C10orf67: variants seen among roughly 807,000 people sequenced by gnomAD.
The protein encoded by C10orf67 is uncharacterized protein C10orf67, mitochondrial.
A neutral mutation model predicts 35.6 loss-of-function variants in C10orf67; 60 were observed. That is an observed-to-expected ratio of 1.68 (90% confidence interval 1.37 to 2.09). The LOEUF is 2.09. Among genes scored for constraint, C10orf67 ranks in the 30% most tolerant of loss-of-function variants. The probability of loss-of-function intolerance (pLI) is 0.00; values close to 1 mark genes in which losing one functional copy is unlikely to be tolerated. For synonymous variants in C10orf67, 167 were observed against 115.8 expected (o/e 1.44, Z -2.84); for missense variants, 474 against 330.2 (o/e 1.44, Z -3.38).
rs187971447 is a variant in C10orf67, at chr10:23,320,387, C to T, written c.546+354G>A. On this transcript the variant is annotated intron_variant, in intron 4 of 15. Transcript: ENST00000636213. ...GTCCCTGTCATTAGAAAAGTTAATC[C>T]ACCAAGGGTCAGAGACCATTCACTG... Among the ~76,000 whole-genome samples the T allele has an allele frequency of 2.1e-3, 320 of 152,266 alleles. 3 individuals are homozygous for T. Among genetic ancestry groups the T allele is most frequent in the Non-Finnish European group, 3.0e-3 (201 of 68,026 alleles).
At chr10:23,264,188 A>AG in intron 10 of C10orf67, among the ~76,000 whole-genome samples, 1 of 152,320 alleles carries the variant, frequency 6.6e-6, no homozygotes, top group South Asian at 2.1e-4. Context: ...GGAAAATTAT[A>AG]GCTAGAATGT....
chr10:23,267,157 A>G, intron 9 of C10orf67, 38 bp downstream of exon 9: 1 of 697,156 alleles, frequency 1.4e-6, no homozygotes, highest in Non-Finnish European at 2.6e-6. Context: ...AGCACAAAAT[A>G]AAAGAGAAAG....
At chr10:23,243,139 C>T (rs1233651122) in intron 12 of C10orf67, among the ~76,000 whole-genome samples, 1 of 152,172 alleles carries the variant, frequency 6.6e-6, no homozygotes, top group Admixed American at 6.5e-5. Context: ...TTACTGATAA[C>T]TTCACAAGAT....
chr10:23,223,640 C>A lies in C10orf67; in HGVS notation c.1528G>T (p.Asp510Tyr). Residue 510 changes from aspartate (D) to tyrosine (Y), a missense_variant, in exon 15 of 16, where the codon GAT (aspartate) becomes TAT (tyrosine). Physicochemically the swap from Asp to Tyr is radical, Grantham distance 160. Transcript: ENST00000636213. ...AGGGCTGCCTGATCACTGACTACATCCACATGCTTACCGTCTATCTGTAAG... is the reference window on the plus strand; with the variant it reads ...AGGGCTGCCTGATCACTGACTACATACACATGCTTACCGTCTATCTGTAAG... ...CTSSIDGKHV[D>Y]VVSDQAALQL... is the part of the protein sequence containing the mutation. The A allele has an allele frequency of 1.4e-6, 1 of 717,540 alleles. No individual in the cohort carries two copies. Among genetic ancestry groups the A allele is most frequent in the Non-Finnish European group, 2.6e-6 (1 of 384,996 alleles). The allele number at this position is 717,540 out of a possible 1,614,324, so 44.4% of individuals were successfully genotyped here. A position where few individuals can be genotyped will look rare whatever the true frequency, so the allele number is the denominator to read the frequency against.
chr10:23,246,474 T>C (rs1842319552), intron 12 of C10orf67, among the ~76,000 whole-genome samples: 1 of 152,096 alleles, frequency 6.6e-6, no homozygotes, highest in South Asian at 2.1e-4. Flanking sequence ...TAACACAAAA[T>C]TGATAACTAT....
intron 1 of C10orf67, among the ~76,000 whole-genome samples, chr10:23,343,609 C>T (rs1333673469): frequency 4.6e-5 from 7 of 152,172 alleles, no homozygotes; most frequent in Non-Finnish European, 1.5e-5. Flanking sequence ...ACGATTATTT[C>T]CCGCTGAGAA....
intron 2 of C10orf67, among the ~76,000 whole-genome samples, chr10:23,331,208 G>GGGAAA (rs1564518909): frequency 3.5e-5 from 1 of 28,918 alleles, no homozygotes; most frequent in Non-Finnish European, 6.0e-5. Flanking sequence ...GGGAAGGGAA[G>GGGAAA]AGGGAAGGGA....
intron 13 of C10orf67, among the ~76,000 whole-genome samples, chr10:23,228,635 C>G (rs1431854393): frequency 1.3e-5 from 2 of 152,060 alleles, no homozygotes; most frequent in South Asian, 4.2e-4. Context: ...AAGAAACTAC[C>G]ATCAGAGTGA....
At position 23,203,212 on chromosome 10, in the gene C10orf67, A is replaced by G. The variant is rs1273300144; in HGVS notation, c.*961T>C. On this transcript the variant is annotated 3_prime_UTR_variant, in exon 16 of 16. Coordinates refer to ENST00000636213, the MANE Select transcript of C10orf67 (RefSeq NM_001371909.1). ...GCAACACTCCTTTGGAGACAGCGGCATATAGTGCATAGTAGATGAAGCTCG... is the reference window on the plus strand; with the variant it reads ...GCAACACTCCTTTGGAGACAGCGGCGTATAGTGCATAGTAGATGAAGCTCG... 1 of 152,260 alleles carries G rather than the reference A, an allele frequency of 6.6e-6. No homozygotes were observed. Among genetic ancestry groups the G allele is most frequent in the African/African-American group, 2.4e-5 (1 of 41,460 alleles). The allele number at this position is 152,260 out of a possible 1,614,324, so 9.4% of individuals were successfully genotyped here.
At chr10:23,255,117 T>C (rs1842567329) in intron 10 of C10orf67, among the ~76,000 whole-genome samples, 1 of 152,084 alleles carries the variant, frequency 6.6e-6, no homozygotes, top group South Asian at 2.1e-4. Flanking sequence ...GAGGGGCTAA[T>C]AGAAACACAC....
At position 23,344,478 on chromosome 10, in the gene C10orf67, G is replaced by T. The variant is rs986802200; in HGVS notation, c.206+91C>A. On this transcript the variant is annotated intron_variant, in intron 1 of 15. Coordinates refer to ENST00000636213, the MANE Select transcript of C10orf67 (RefSeq NM_001371909.1). ...GGCTGCTGCGATACCCCAGAGGAAA[G>T]CTGCACCCCCGTAAATAACCCTTCA... 7 of 1,224,386 alleles carry T rather than the reference G, an allele frequency of 5.7e-6. No homozygotes were observed. In the African/African-American group the frequency reaches 7.5e-5, roughly 13 times the overall value. The allele number at this position is 1,224,386 out of a possible 1,614,324, so 75.8% of individuals were successfully genotyped here.
chr10:23,302,899 A>T (rs1212839182), intron 5 of C10orf67, among the ~76,000 whole-genome samples: 1 of 152,074 alleles, frequency 6.6e-6, no homozygotes, highest in Non-Finnish European at 1.5e-5. Flanking sequence ...TTCTGTTCCA[A>T]GTTGGCTTCT....
At chr10:23,246,647 T>G (rs2132150442) in intron 12 of C10orf67, among the ~76,000 whole-genome samples, 2 of 152,244 alleles carry the variant, frequency 1.3e-5, no homozygotes, top group South Asian at 4.1e-4. Flanking sequence ...TCCCATAAGA[T>G]TATAATGGAG....
chr10:23,298,963 A>G (rs1401113645), intron 5 of C10orf67, among the ~76,000 whole-genome samples: 1 of 152,198 alleles, frequency 6.6e-6, no homozygotes, highest in Non-Finnish European at 1.5e-5. Context: ...CCTTGGGGTA[A>G]AACAGTCCAG....
chr10:23,291,908 A>G (rs1801509528), intron 5 of C10orf67, among the ~76,000 whole-genome samples: 1 of 152,128 alleles, frequency 6.6e-6, no homozygotes, highest in South Asian at 2.1e-4. Context: ...ATGGCTTTGC[A>G]TGCTTGTCAC....
In C10orf67 at chr10:23,218,946, C is replaced by T. The variant is rs540158888; in HGVS notation, c.1570+4652G>A. On this transcript the variant is annotated intron_variant, in intron 15 of 15. Transcript: ENST00000636213. ...ACGTATGCCTGAAACTTCTTTTTATCTCTTAACTAACTTACAATTTCTTAC... is the reference window on the plus strand; with the variant it reads ...ACGTATGCCTGAAACTTCTTTTTATTTCTTAACTAACTTACAATTTCTTAC... 9.2e-5 allele frequency among the ~76,000 whole-genome samples: 14 copies of T among 152,242 alleles called. 1 individual carries two copies. The South Asian group carries it at 1.5e-3, about 16-fold the overall frequency.
chr10:23,280,550 C>T (rs1441957157), intron 8 of C10orf67, among the ~76,000 whole-genome samples: 2 of 152,178 alleles, frequency 1.3e-5, no homozygotes, highest in Non-Finnish European at 1.5e-5. Flanking sequence ...AGAAGAACCT[C>T]AAGCCCACTC....
At chr10:23,282,797 C>G (rs1002269661) in intron 7 of C10orf67, among the ~76,000 whole-genome samples, 1 of 152,196 alleles carries the variant, frequency 6.6e-6, no homozygotes, top group African/African-American at 2.4e-5. Context: ...CACCACTGCA[C>G]TCCAGCCTAG....
intron 5 of C10orf67, among the ~76,000 whole-genome samples, chr10:23,298,615 C>T (rs531531695): frequency 2.8e-4 from 43 of 152,186 alleles, no homozygotes; most frequent in Non-Finnish European, 4.9e-4. Flanking sequence ...TGCCAAGGAA[C>T]GCTCTTAGTT....
Sources: gnomAD v4.1 joint callset for allele counts (sites outside exome capture counted in the v4.1 genomes callset) on GRCh38, gnomAD v4.1.1 for gene constraint, MANE v1.5 for transcripts, NCBI Gene and HGNC (gene_info 2026-07-23, HGNC 2026-07-21) for gene names.